ARL15: variants seen among roughly 807,000 people sequenced by gnomAD.
The protein encoded by ARL15 is ADP-ribosylation factor-like protein 15.
A neutral mutation model predicts 25.2 loss-of-function variants in ARL15; 19 were observed. That is an observed-to-expected ratio of 0.75 (90% CI 0.53 to 1.10). The LOEUF is 1.10. Ranked by LOEUF, ARL15 falls within the 50% of genes least tolerant of loss-of-function variation. The probability of loss-of-function intolerance (pLI) is 0.00; values close to 1 mark genes in which losing one functional copy is unlikely to be tolerated. For synonymous variants in ARL15, 94 were observed against 86.8 expected, an observed-to-expected ratio of 1.08 and a Z score of -0.46; for missense variants, 220 against 246.0, an observed-to-expected ratio of 0.89 and a Z score of 0.71.
intron 4 of ARL15, among the ~76,000 whole-genome samples, chr5:53,941,009 G>C (rs1746524317): frequency 6.6e-6 from 1 of 152,080 alleles, no homozygotes; most frequent in African/African-American, 2.4e-5. Flanking sequence ...GGGTTCCTTT[G>C]AACTGCCTGT....
chr5:54,238,131 T>C (rs996635790), intron 1 of ARL15, among the ~76,000 whole-genome samples: 8 of 152,214 alleles, frequency 5.3e-5, no homozygotes, highest in Non-Finnish European at 1.0e-4. Flanking sequence ...CCTGGCATTA[T>C]GGTTACCCCA....
chr5:54,148,893 C>T (rs1002807732), intron 3 of ARL15, among the ~76,000 whole-genome samples: 1 of 152,228 alleles, frequency 6.6e-6, no homozygotes, highest in Non-Finnish European at 1.5e-5. Flanking sequence ...ATTTCCATCT[C>T]TGGATTCTAT....
chr5:54,133,265 T>A (rs1753491404), intron 3 of ARL15, among the ~76,000 whole-genome samples: 1 of 152,148 alleles, frequency 6.6e-6, no homozygotes, highest in Admixed American at 6.5e-5. Context: ...ATACTGAAGG[T>A]TAAATTATTT....
At chr5:53,932,352 A>G (rs1746218193) in intron 4 of ARL15, among the ~76,000 whole-genome samples, 1 of 152,196 alleles carries the variant, frequency 6.6e-6, no homozygotes, top group South Asian at 2.1e-4. Flanking sequence ...AACCAAACGG[A>G]ACCGAGCAAC....
chr5:54,291,536 C>T (rs1373211220), intron 1 of ARL15, among the ~76,000 whole-genome samples: 2 of 151,966 alleles, frequency 1.3e-5, no homozygotes, highest in African/African-American at 4.8e-5. Flanking sequence ...ATCTAGAACC[C>T]GCAGATACAG....
At chr5:54,058,548 C>T (rs115792578) in intron 4 of ARL15, among the ~76,000 whole-genome samples, 4 of 152,262 alleles carry the variant, frequency 2.6e-5, no homozygotes, top group South Asian at 4.1e-4. Flanking sequence ...GAAGGAAATA[C>T]GTGCTATGAA....
intron 3 of ARL15, among the ~76,000 whole-genome samples, chr5:54,121,370 T>C (rs966319777): frequency 6.6e-6 from 1 of 152,084 alleles, no homozygotes. Flanking sequence ...ATCTAGTTGT[T>C]GTCCCCCTAT....
At chr5:54,063,521 G>A (rs1420644619) in intron 4 of ARL15, among the ~76,000 whole-genome samples, 1 of 152,256 alleles carries the variant, frequency 6.6e-6, no homozygotes, top group African/African-American at 2.4e-5. Flanking sequence ...TTCTCACACA[G>A]CACAATGGTA....
intron 3 of ARL15, among the ~76,000 whole-genome samples, chr5:54,131,380 T>A (rs965238758): frequency 1.1e-4 from 17 of 152,302 alleles, no homozygotes; most frequent in South Asian, 4.1e-4. Context: ...TTGCCTCTGG[T>A]TTGAATTTCT....
intron 3 of ARL15, among the ~76,000 whole-genome samples, chr5:54,140,810 G>C (rs899255127): frequency 1.3e-5 from 2 of 152,140 alleles, no homozygotes; most frequent in Non-Finnish European, 2.9e-5. Context: ...ATTTGAAACT[G>C]CAAAGATTCT....
At chr5:54,164,465 GT>G (rs1754509735) in intron 2 of ARL15, among the ~76,000 whole-genome samples, 1 of 151,984 alleles carries the variant, frequency 6.6e-6, no homozygotes, top group African/African-American at 2.4e-5. Flanking sequence ...AGAAACTGAC[GT>G]CGCTGATTGT....
chr5:54,260,076 T>A (rs1336348814), intron 1 of ARL15, among the ~76,000 whole-genome samples: 1 of 152,204 alleles, frequency 6.6e-6, no homozygotes, highest in African/African-American at 2.4e-5. Flanking sequence ...TCTAAGCCCA[T>A]AGTCTCAGAG....
rs149806778 is a variant in ARL15 at position 53,890,081 on chromosome 5, G to C, written c.463-3368C>G. On this transcript the variant is annotated intron_variant, in intron 4 of 4. Transcript: ENST00000504924. Reference sequence around the variant, plus strand: ...GCCCACCTTGGCCTCCCAAAGTGCTGGGATTACAGGCATGAGCTGCTGGGC... The same window carrying C: ...GCCCACCTTGGCCTCCCAAAGTGCTCGGATTACAGGCATGAGCTGCTGGGC... Among the ~76,000 whole-genome samples the C allele has an allele frequency of 4.3e-4, 66 of 152,220 alleles. 1 individual carries two copies. The highest frequency in any genetic ancestry group is 1.4e-3 in the African/African-American group (58 of 41,530).
At chr5:54,218,291 A>G (rs1057226060) in intron 1 of ARL15, among the ~76,000 whole-genome samples, 6 of 152,208 alleles carry the variant, frequency 3.9e-5, no homozygotes. Context: ...GTTAAAATAT[A>G]GTGACCCACA....
intron 1 of ARL15, among the ~76,000 whole-genome samples, chr5:54,240,538 C>T (rs533464371): frequency 9.9e-5 from 15 of 152,182 alleles, no homozygotes; most frequent in Admixed American, 3.3e-4. Context: ...TACTGTATTG[C>T]AAGTGTTCGT....
intron 4 of ARL15, among the ~76,000 whole-genome samples, chr5:53,955,544 C>T (rs561978761): frequency 2.6e-5 from 4 of 152,268 alleles, no homozygotes; most frequent in South Asian, 4.1e-4. Context: ...CCTCCAAGTG[C>T]CCCATCTCCC....
chr5:54,163,022 C>T (rs1437531694), intron 2 of ARL15, among the ~76,000 whole-genome samples: 2 of 152,162 alleles, frequency 1.3e-5, no homozygotes, highest in African/African-American at 4.8e-5. Context: ...TTAACTCTGA[C>T]AACAGCTGTA....
At chr5:53,893,280 G>A (rs909210560) in intron 4 of ARL15, among the ~76,000 whole-genome samples, 20 of 152,178 alleles carry the variant, frequency 1.3e-4, no homozygotes, top group African/African-American at 4.3e-4. Context: ...AAACCTGCGA[G>A]TACAACAAAT....
At chr5:54,274,786 C>A (rs1422914755) in intron 1 of ARL15, among the ~76,000 whole-genome samples, 2 of 152,056 alleles carry the variant, frequency 1.3e-5, no homozygotes, top group Non-Finnish European at 2.9e-5. Flanking sequence ...CCCAGCTACT[C>A]AGGAGGCTGA....
Sources: gnomAD v4.1 joint callset for allele counts (sites outside exome capture counted in the v4.1 genomes callset) on GRCh38, gnomAD v4.1.1 for gene constraint, MANE v1.5 for transcripts, NCBI Gene and HGNC (gene_info 2026-07-23, HGNC 2026-07-21) for gene names.